The following PPP1R26 variants were observed in gnomAD, a reference collection of about 807,000 sequenced individuals.
The protein encoded by PPP1R26 is protein phosphatase 1 regulatory subunit 26.
PPP1R26 carries 22 observed loss-of-function variants against 67.6 expected under a neutral mutation model. That is an observed-to-expected ratio of 0.33 (90% CI 0.23 to 0.46). The LOEUF (loss-of-function observed/expected upper bound fraction) is 0.46. PPP1R26 is among the 20% of genes least tolerant of loss of function. The pLI is 1.00. For synonymous variants in PPP1R26, 729 were observed against 717.2 expected (o/e 1.02, Z -0.26); for missense variants, 1,602 against 1,651.4 (o/e 0.97, Z 0.52).
At chr9:135,481,772 C>T (rs1264964729) in intron 1 of PPP1R26, among the ~76,000 whole-genome samples, 1 of 151,962 alleles carries the variant, frequency 6.6e-6, no homozygotes, top group Non-Finnish European at 1.5e-5. Context: ...GCACACGCCA[C>T]CACGCCCAGC....
Position 135,486,898 on chromosome 9 carries a change from G to A in PPP1R26, c.2388G>A (p.Val796=). Residue 796 remains valine (V), a synonymous_variant, in exon 4 of 4, where the codon GTG becomes GTA. Transcript: ENST00000356818. The surrounding 1 kb of genome is among the most constrained non-coding windows in gnomAD (Gnocchi z 6.2). The part of the protein sequence containing the change: ...ASQDAALAFR[V]RRPASASASE... ...AGGACGCGGCCCTGGCCTTCCGGGT[G>A]AGGAGACCCGCCTCCGCCTCTGCCT... 1 of 1,612,754 alleles carries A rather than the reference G, an allele frequency of 6.2e-7. No individual in the cohort carries two copies.
In PPP1R26 at chr9:135,486,053, C is replaced by A. The variant is rs774558866; in HGVS notation, c.1543C>A (p.Pro515Thr). Residue 515 changes from proline to threonine, a missense_variant, in exon 4 of 4, where the codon CCG becomes ACG. Pro to Thr is a conservative substitution (Grantham distance 38). This residue lies in a region of PPP1R26 where 680 missense variants were observed against 726.1 expected (regional missense o/e 0.94). Coordinates refer to ENST00000356818, the MANE Select transcript of PPP1R26 (RefSeq NM_014811.5). This position sits in a 1 kb window ranked among gnomAD's most constrained non-coding sequence, Gnocchi z 6.2. The part of the protein sequence containing the change: ...SLSASPLFYS[P>T]NVPSRSDGDS... ...GTCCGCAAGCCCACTCTTCTACTCCCCGAACGTGCCTTCCCGCTCTGACGG... is the reference window on the plus strand; with the variant it reads ...GTCCGCAAGCCCACTCTTCTACTCCACGAACGTGCCTTCCCGCTCTGACGG... 1.9e-6 allele frequency: 3 copies of A among 1,613,184 alleles called. No individual in the cohort carries two copies. The South Asian group carries it at 3.3e-5, about 18-fold the overall frequency.
Position 135,485,406 on chromosome 9 carries a change from A to G in PPP1R26, c.896A>G (p.Asn299Ser). 6.2e-7 allele frequency: 1 copy of G among 1,612,898 alleles called. No homozygotes were observed. Among genetic ancestry groups the G allele is most frequent in the Non-Finnish European group, 8.5e-7 (1 of 1,179,952 alleles). The stretch of plus-strand genomic sequence containing the variant: ...AAACCTCCCCGGTTAGCGAAGATGA[A>G]CGTCCAGCCCAGAAGCCTCAGGTCC... ...FRKPPRLAKM[N>S]VQPRSLRSKV... Residue 299 changes from asparagine to serine, a missense_variant, in exon 4 of 4, where the codon AAC becomes AGC. By Grantham distance (46) the Asn-to-Ser change is conservative. Around this residue, in one of 5 missense-constraint regions of PPP1R26, gnomAD observed 680 missense variants for 726.1 expected, o/e 0.94. Transcript: ENST00000356818. This position sits in a 1 kb window ranked among gnomAD's most constrained non-coding sequence, Gnocchi z 7.2.
At chr9:135,479,529 G>C (rs1207242338), upstream of PPP1R26, 4 of 147,150 alleles carry the variant, frequency 2.7e-5, no homozygotes, top group Non-Finnish European at 6.0e-5. This position sits in a 1 kb window ranked among gnomAD's most constrained non-coding sequence, Gnocchi z 5.9. Context: ...CGCACCCCGC[G>C]GAGGGGGCCG....
rs749490405 is a variant in PPP1R26, at chr9:135,487,672, C to T, written c.3162C>T (p.Gly1054=). 19 of 1,458,286 alleles carry T rather than the reference C, an allele frequency of 1.3e-5. No homozygotes were observed. The highest frequency in any genetic ancestry group is 2.8e-5 in the African/African-American group (2 of 70,328). 90.3% of individuals were successfully genotyped at this position (1,458,286 alleles called of 1,614,324 possible). ...SEGRDAVWRG[G]VGSERDKGSE... Reference sequence around the variant, plus strand: ...GCAGAGATGCAGTGTGGAGGGGGGGCGTCGGGAGCGAGAGAGACAAGGGGT... The same window carrying T: ...GCAGAGATGCAGTGTGGAGGGGGGGTGTCGGGAGCGAGAGAGACAAGGGGT... The change falls in exon 4 of 4, where the codon GGC becomes GGT. Residue 1054 remains glycine (G), a synonymous_variant. Coordinates refer to ENST00000356818, the MANE Select transcript of PPP1R26 (RefSeq NM_014811.5).
Position 135,488,802 on chromosome 9 carries a change from G to T in PPP1R26, c.*662G>T. 6.0e-6 allele frequency: 1 copy of T among 167,120 alleles called. No homozygotes were observed. The allele number at this position is 167,120 out of a possible 1,614,324, so 10.4% of individuals were successfully genotyped here. On this transcript the variant is annotated 3_prime_UTR_variant, in exon 4 of 4. Coordinates refer to ENST00000356818, the MANE Select transcript of PPP1R26 (RefSeq NM_014811.5). ...CACAGATGTCAGCGGCAGCTGCTCG[G>T]CAGCCCAGCCCTGGGCCTGGGTGGG...
In PPP1R26 at chr9:135,480,040, C is replaced by T. The variant is rs1175143591; in HGVS notation, c.-329+18C>T. 5 of 117,820 alleles carry T rather than the reference C, an allele frequency of 4.2e-5. No individual in the cohort carries two copies. The East Asian group carries it at 1.0e-3, about 25-fold the overall frequency. The allele number at this position is 117,820 out of a possible 1,614,324, so 7.3% of individuals were successfully genotyped here. A position where few individuals can be genotyped will look rare whatever the true frequency, so the allele number is the denominator to read the frequency against. The stretch of plus-strand genomic sequence containing the variant: ...GGGCGGAGGTGAGCGGGTGCAGGGC[C>T]GGGGCCGGGGGGCTCGGGGGCTGGG... On this transcript the variant is annotated intron_variant, in intron 1 of 3. Transcript: ENST00000356818.
chr9:135,486,878 G>C lies in PPP1R26; in HGVS notation c.2368G>C (p.Ala790Pro). 1.2e-6 allele frequency: 2 copies of C among 1,612,354 alleles called. No individual in the cohort carries two copies. The highest frequency in any genetic ancestry group is 2.2e-5 in the South Asian group (2 of 91,044). The change falls in exon 4 of 4, where the codon GCG (alanine) becomes CCG (proline). Residue 790 changes from alanine (A) to proline (P), a missense_variant. Around this residue, in one of 5 missense-constraint regions of PPP1R26, gnomAD observed 740 missense variants for 696.3 expected, o/e 1.06. Coordinates refer to ENST00000356818, the MANE Select transcript of PPP1R26 (RefSeq NM_014811.5). This position sits in a 1 kb window ranked among gnomAD's most constrained non-coding sequence, Gnocchi z 6.2. Reference sequence around the variant, plus strand: ...GCAGGAGGGTGCCGCGAGCCAGGACGCGGCCCTGGCCTTCCGGGTGAGGAG... The same window carrying C: ...GCAGGAGGGTGCCGCGAGCCAGGACCCGGCCCTGGCCTTCCGGGTGAGGAG... ...MRQEGAASQD[A>P]ALAFRVRRPA...
chr9:135,482,983 C>CTTT (rs1360229729), intron 2 of PPP1R26, among the ~76,000 whole-genome samples, 168 bp downstream of exon 2: 11,518 of 121,242 alleles, frequency 0.095, 800 homozygotes, highest in South Asian at 0.18. Flanking sequence ...CTTTTTCTTT[C>CTTT]TTTCTTTTTT....
At position 135,479,818 on chromosome 9, in the gene PPP1R26, G is replaced by C. The variant is rs1387212829; in HGVS notation, c.-533G>C. ...CTTCCCACGGCGCGGCCCGGGCGCGGGGCGGCGGCAGCGGCGGCGCGCGGG... is the reference window on the plus strand; with the variant it reads ...CTTCCCACGGCGCGGCCCGGGCGCGCGGCGGCGGCAGCGGCGGCGCGCGGG... On this transcript the variant is annotated 5_prime_UTR_variant, in exon 1 of 4. Coordinates refer to ENST00000356818, the MANE Select transcript of PPP1R26 (RefSeq NM_014811.5). The surrounding 1 kb of genome is among the most constrained non-coding windows in gnomAD (Gnocchi z 5.9). The C allele has an allele frequency of 6.9e-6, 1 of 144,868 alleles. No homozygotes were observed. Among genetic ancestry groups the C allele is most frequent in the Admixed American group, 6.8e-5 (1 of 14,672 alleles). The allele number at this position is 144,868 out of a possible 1,614,324, so 9.0% of individuals were successfully genotyped here. A position where few individuals can be genotyped will look rare whatever the true frequency, so the allele number is the denominator to read the frequency against.
At position 135,486,236 on chromosome 9, in the gene PPP1R26, G is replaced by A. The variant is rs17854528; in HGVS notation, c.1726G>A (p.Gly576Ser). 2.5e-4 allele frequency: 409 copies of A among 1,612,942 alleles called. No homozygotes were observed. In the East Asian group the frequency reaches 3.5e-3, roughly 14 times the overall value. ...GCCGCCTGGCCTCAACAGCCAGACC[G>A]GCGGCCACAAGACCCCTCTCTCTAA... is the stretch of plus-strand genomic sequence containing the variant. ...LLPPGLNSQT[G>S]GHKTPLSKTP... The change falls in exon 4 of 4, where the codon GGC (glycine) becomes AGC (serine). Residue 576 changes from glycine to serine, a missense_variant. Transcript: ENST00000356818. The surrounding 1 kb of genome is among the most constrained non-coding windows in gnomAD (Gnocchi z 6.2).
Position 135,487,668 on chromosome 9 carries a change from G to T in PPP1R26, c.3158G>T (p.Gly1053Val). Residue 1053 changes from glycine to valine, a missense_variant, in exon 4 of 4, where the codon GGG becomes GTG. Transcript: ENST00000356818. Reference sequence around the variant, plus strand: ...GAAGGCAGAGATGCAGTGTGGAGGGGGGGCGTCGGGAGCGAGAGAGACAAG... The same window carrying T: ...GAAGGCAGAGATGCAGTGTGGAGGGTGGGCGTCGGGAGCGAGAGAGACAAG... ...RSEGRDAVWR[G>V]GVGSERDKGS... 6.8e-7 allele frequency: 1 copy of T among 1,461,754 alleles called. No homozygotes were observed. The allele number at this position is 1,461,754 out of a possible 1,614,324, so 90.5% of individuals were successfully genotyped here.
chr9:135,480,710 A>T (rs890853194), intron 1 of PPP1R26: 3 of 152,410 alleles, frequency 2.0e-5, no homozygotes, highest in African/African-American at 7.2e-5. Flanking sequence ...ATGGCGGTGC[A>T]GCTTTGCTGG....
chr9:135,484,173 C>A, intron 3 of PPP1R26, 91 bp downstream of exon 3: 2 of 459,216 alleles, frequency 4.4e-6, no homozygotes, highest in Non-Finnish European at 7.6e-6. Flanking sequence ...GTGCCCCGGG[C>A]GGCACCGTGG....
rs370729121 is a variant in PPP1R26, at chr9:135,485,549, G to A, written c.1039G>A (p.Gly347Arg). 8.1e-6 allele frequency: 13 copies of A among 1,613,146 alleles called. No individual in the cohort carries two copies. The highest frequency in any genetic ancestry group is 1.0e-5 in the Non-Finnish European group (12 of 1,180,034). The change falls in exon 4 of 4, where the codon GGA becomes AGA. Residue 347 changes from glycine to arginine, a missense_variant. Gly to Arg is a moderately radical substitution (Grantham distance 125, BLOSUM62 -2). This residue lies in a region of PPP1R26 where 680 missense variants were observed against 726.1 expected (regional missense o/e 0.94). Transcript: ENST00000356818. This position sits in a 1 kb window ranked among gnomAD's most constrained non-coding sequence, Gnocchi z 7.2. ...AAGGAGCGCCAGCGCTGCAAGGAGG[G>A]GAAAGCGAGTCATGAGTGCGGCACA... Reference protein sequence around the residue: ...IKRSASAARRGKRVMSAAQAS... With the variant: ...IKRSASAARRRKRVMSAAQAS...
In PPP1R26 at chr9:135,485,119, A is replaced by C; in HGVS notation, c.609A>C (p.Gly203=). ...GSGGGPGSQV[G]SSKDQGSASP... ...GTGGTGGCCCCGGCAGCCAGGTGGG[A>C]TCCAGCAAGGACCAGGGCTCCGCCT... The change falls in exon 4 of 4, where the codon GGA becomes GGC. Residue 203 remains glycine, a synonymous_variant. Transcript: ENST00000356818. The surrounding 1 kb of genome is among the most constrained non-coding windows in gnomAD (Gnocchi z 7.2). The C allele has an allele frequency of 1.2e-6, 2 of 1,612,832 alleles. No homozygotes were observed. The highest frequency in any genetic ancestry group is 1.7e-6 in the Non-Finnish European group (2 of 1,179,852).
intron 2 of PPP1R26, among the ~76,000 whole-genome samples, chr9:135,483,749 C>T (rs901623785): frequency 8.5e-5 from 13 of 152,194 alleles, no homozygotes; most frequent in Non-Finnish European, 1.5e-4. Context: ...AATCTGGCAG[C>T]GCAGGATGAG....
chr9:135,485,416 C>T lies in PPP1R26; in HGVS notation c.906C>T (p.Pro302=), dbSNP rs1335550859. ...GGTTAGCGAAGATGAACGTCCAGCCCAGAAGCCTCAGGTCCAAGGTCACAA... is the reference window on the plus strand; with the variant it reads ...GGTTAGCGAAGATGAACGTCCAGCCTAGAAGCCTCAGGTCCAAGGTCACAA... The part of the protein sequence containing the change: ...PPRLAKMNVQ[P]RSLRSKVTTT... The change falls in exon 4 of 4, where the codon CCC becomes CCT. Residue 302 remains proline, a synonymous_variant. Coordinates refer to ENST00000356818, the MANE Select transcript of PPP1R26 (RefSeq NM_014811.5). The surrounding 1 kb of genome is among the most constrained non-coding windows in gnomAD (Gnocchi z 7.2). 1 of 1,612,858 alleles carries T rather than the reference C, an allele frequency of 6.2e-7. No homozygotes were observed.
chr9:135,481,236 GTTT>G lies in PPP1R26; in HGVS notation c.-329+1234_-329+1236del, dbSNP rs35101439. 3.7e-4 allele frequency among the ~76,000 whole-genome samples: 45 copies of G among 121,742 alleles called. No homozygotes were observed. The East Asian group carries it at 3.7e-3, about 10-fold the overall frequency. The allele number at this position is 121,742 out of a possible 152,430, so 79.9% of individuals were successfully genotyped here. On this transcript the variant is annotated intron_variant, in intron 1 of 3. Coordinates refer to ENST00000356818, the MANE Select transcript of PPP1R26 (RefSeq NM_014811.5). ...AAGGACTGATTAGGGGGCTTTTCTT[GTTT>G]TTTTTTTTTTTTTTTTTTTAGAGCC...
Sources: allele counts gnomAD v4.1 joint callset (sites outside exome capture counted in the v4.1 genomes callset), GRCh38; gene constraint gnomAD v4.1.1; regional missense constraint gnomAD v4.1.1; non-coding constraint Gnocchi (gnomAD v3.1); transcripts MANE v1.5; gene names NCBI Gene and HGNC (gene_info 2026-07-23, HGNC 2026-07-21).